GARNL3: variants seen among roughly 807,000 people sequenced by gnomAD.
The protein encoded by GARNL3 is GTPase activating Rap/RanGAP domain like 3, also known as GTPase-activating Rap/Ran-GAP domain-like protein 3.
In GARNL3, 63 loss-of-function variants were observed where a neutral mutation model predicts 125.0. The ratio of observed to expected loss-of-function variants is 0.50; its 90% CI spans 0.41 to 0.62. The LOEUF (loss-of-function observed/expected upper bound fraction) is 0.62, where lower values mean the gene tolerates loss of function less well. Ranked by LOEUF, GARNL3 falls within the 20% of genes least tolerant of loss-of-function variation. The pLI, the probability that GARNL3 is intolerant of heterozygous loss-of-function variation, is 0.00. For missense variants in GARNL3, 994 were observed against 1,244.0 expected, an observed-to-expected ratio of 0.80 and a Z score of 3.02; for synonymous variants, 439 against 457.5, an observed-to-expected ratio of 0.96 and a Z score of 0.52.
At chr9:127,299,721 C>T (rs2064724757) in intron 2 of GARNL3, among the ~76,000 whole-genome samples, 1 of 152,180 alleles carries the variant, frequency 6.6e-6, no homozygotes, top group African/African-American at 2.4e-5. Flanking sequence ...CAGGCACCAG[C>T]CACCACACCT....
intron 2 of GARNL3, among the ~76,000 whole-genome samples, chr9:127,251,538 A>G (rs2063403737): frequency 2.6e-5 from 4 of 152,244 alleles, no homozygotes; most frequent in Admixed American, 2.0e-4. Context: ...CGTGGTCTGA[A>G]TGTGTCTGAA....
At chr9:127,377,978 C>T (rs1832018431) in intron 22 of GARNL3, among the ~76,000 whole-genome samples, 2 of 152,080 alleles carry the variant, frequency 1.3e-5, no homozygotes, top group South Asian at 4.1e-4. Flanking sequence ...CGGTGGCTCA[C>T]ACCAGTAATC....
intron 1 of GARNL3, among the ~76,000 whole-genome samples, chr9:127,232,357 G>A (rs2063033504): frequency 6.6e-6 from 1 of 152,132 alleles, no homozygotes; most frequent in South Asian, 2.1e-4. Flanking sequence ...TGCCCAGGCT[G>A]GAGTACAGTG....
At chr9:127,368,248 G>C (rs1468532564) in intron 22 of GARNL3, among the ~76,000 whole-genome samples, 3 of 151,802 alleles carry the variant, frequency 2.0e-5, no homozygotes, top group African/African-American at 7.3e-5. Context: ...GAAGGTGACT[G>C]CGTATGTCTG....
chr9:127,379,188 C>T (rs1158046829), intron 22 of GARNL3, among the ~76,000 whole-genome samples: 1 of 152,190 alleles, frequency 6.6e-6, no homozygotes, highest in Non-Finnish European at 1.5e-5. Flanking sequence ...TAAAATGGAG[C>T]AGTAGCTTTA....
chr9:127,231,376 A>G (rs2063017110), intron 1 of GARNL3, among the ~76,000 whole-genome samples: 1 of 151,878 alleles, frequency 6.6e-6, no homozygotes, highest in South Asian at 2.1e-4. Flanking sequence ...CCGGCCAGGC[A>G]AATGATATTT....
intron 7 of GARNL3, among the ~76,000 whole-genome samples, chr9:127,329,375 A>C (rs776878036): frequency 6.6e-6 from 1 of 152,162 alleles, no homozygotes; most frequent in African/African-American, 2.4e-5. Context: ...AAACTTGGAC[A>C]CATGATCTCC....
rs370568150 is a variant in GARNL3, at chr9:127,332,254, C to A, written c.595-20C>A. 3 of 1,589,802 alleles carry A rather than the reference C, an allele frequency of 1.9e-6. No individual in the cohort carries two copies. The highest frequency in any genetic ancestry group is 2.6e-6 in the Non-Finnish European group (3 of 1,158,010). On this transcript the variant is annotated intron_variant, in intron 7 of 27. Coordinates refer to ENST00000373387, the MANE Select transcript of GARNL3 (RefSeq NM_032293.5). ...TGTGATGATAAAATTAACTGTAACA[C>A]CTTTTGTTATTATCCTAAGGGCTCT... is the stretch of plus-strand genomic sequence containing the variant.
chr9:127,358,386 GA>G (rs1312436131), intron 21 of GARNL3, among the ~76,000 whole-genome samples: 2 of 152,228 alleles, frequency 1.3e-5, no homozygotes, highest in Non-Finnish European at 2.9e-5. Flanking sequence ...ACAGAATGGG[GA>G]TGTCAGCCCC....
chr9:127,225,846 C>T (rs2062902792), intron 1 of GARNL3, among the ~76,000 whole-genome samples: 1 of 151,334 alleles, frequency 6.6e-6, no homozygotes, highest in African/African-American at 2.4e-5. Flanking sequence ...GCCCCTTGCG[C>T]CCCTCTCCCT....
intron 6 of GARNL3, among the ~76,000 whole-genome samples, chr9:127,324,221 A>C (rs933847134): frequency 6.6e-6 from 1 of 152,246 alleles, no homozygotes; most frequent in Non-Finnish European, 1.5e-5. Context: ...ACTGTGCTCC[A>C]GCCTGGGGGA....
intron 1 of GARNL3, among the ~76,000 whole-genome samples, chr9:127,271,982 G>T (rs757803310): frequency 6.7e-6 from 1 of 150,238 alleles, no homozygotes; most frequent in Non-Finnish European, 1.5e-5. Flanking sequence ...GCATGATTTC[G>T]TTGTCATGAA....
At chr9:127,281,079 C>T (rs560493285) in intron 1 of GARNL3, among the ~76,000 whole-genome samples, 1 of 152,132 alleles carries the variant, frequency 6.6e-6, no homozygotes, top group Admixed American at 6.5e-5. Flanking sequence ...GACTTGGTGG[C>T]ACGAGGAGGA....
chr9:127,391,487 A>G (rs1312909946), intron 27 of GARNL3, among the ~76,000 whole-genome samples: 1 of 134,012 alleles, frequency 7.5e-6, no homozygotes, highest in African/African-American at 2.6e-5. Context: ...CCAAGAGTTC[A>G]ATCCCAGCCT....
chr9:127,299,712 AG>A (rs1263111880), intron 2 of GARNL3, among the ~76,000 whole-genome samples: 1 of 152,158 alleles, frequency 6.6e-6, no homozygotes, highest in East Asian at 1.9e-4. Flanking sequence ...CTGGGACTAC[AG>A]GCACCAGCCA....
At chr9:127,261,053 C>T (rs1215421874), upstream of GARNL3, among the ~76,000 whole-genome samples, 1 of 151,978 alleles carries the variant, frequency 6.6e-6, no homozygotes, top group Non-Finnish European at 1.5e-5. Context: ...GTCAGGAGTT[C>T]GAGACCAGCC....
At chr9:127,327,317 C>T (rs1325387505) in intron 7 of GARNL3, among the ~76,000 whole-genome samples, 1 of 152,128 alleles carries the variant, frequency 6.6e-6, no homozygotes, top group East Asian at 1.9e-4. Flanking sequence ...ATGGTAAGAC[C>T]AGTAACCCCA....
intron 21 of GARNL3, chr9:127,362,795 T>C (rs1185293843): frequency 1.3e-5 from 2 of 152,242 alleles, no homozygotes; most frequent in African/African-American, 4.8e-5. Context: ...TCAGCCAACA[T>C]TGAGCATTTA....
intron 24 of GARNL3, 53 bp from the exon 25 acceptor site, chr9:127,387,140 A>T: frequency 1.3e-6 from 2 of 1,572,120 alleles, no homozygotes; most frequent in Non-Finnish European, 1.7e-6. Flanking sequence ...GGGCCAGTGG[A>T]TGCAAGGCCT....
Sources: gnomAD v4.1 joint callset for allele counts (sites outside exome capture counted in the v4.1 genomes callset) on GRCh38, gnomAD v4.1.1 for gene constraint, MANE v1.5 for transcripts, NCBI Gene and HGNC (gene_info 2026-07-23, HGNC 2026-07-21) for gene names.